PCDHA2: variants seen among roughly 807,000 people sequenced by gnomAD.
PCDHA2 encodes the protein protocadherin alpha 2.
A neutral mutation model predicts 66.0 loss-of-function variants in PCDHA2; 58 were observed. The ratio of observed to expected loss-of-function variants is 0.88; its 90% CI spans 0.71 to 1.09. PCDHA2 has a LOEUF of 1.09. PCDHA2 is among the 50% of genes least tolerant of loss of function. The probability of loss-of-function intolerance (pLI) is 0.00; values close to 1 mark genes in which losing one functional copy is unlikely to be tolerated. For missense variants in PCDHA2, 1,267 were observed against 1,242.3 expected (o/e 1.02, Z -0.30); for synonymous variants, 634 against 554.0 (o/e 1.14, Z -2.03).
intron 1 of PCDHA2, among the ~76,000 whole-genome samples, chr5:140,924,902 A>AAAAAAAT (rs1554202311): frequency 2.8e-4 from 11 of 39,026 alleles, no homozygotes; most frequent in Non-Finnish European, 5.7e-4. Context: ...CTCAAAAAAA[A>AAAAAAAT]AAATAAAATA....
intron 1 of PCDHA2, among the ~76,000 whole-genome samples, chr5:140,961,327 AGAGACCAAGAGTG>A (rs1375426442): frequency 6.6e-6 from 1 of 152,206 alleles, no homozygotes. Context: ...CTGTTTCTTG[AGAGACCAAGAGTG>A]GATCCCTGTA....
intron 1 of PCDHA2, chr5:140,822,473 A>G: frequency 1.2e-6 from 2 of 1,613,830 alleles, no homozygotes; most frequent in Non-Finnish European, 1.7e-6. Context: ...AATGTATTGG[A>G]TGCTAATGAT....
chr5:140,840,181 T>C (rs1398905291), intron 1 of PCDHA2, among the ~76,000 whole-genome samples: 1 of 151,970 alleles, frequency 6.6e-6, no homozygotes, highest in African/African-American at 2.4e-5. Context: ...AAATTTTAAA[T>C]ATGGTAGGCA....
At chr5:140,944,344 C>T (rs567913669) in intron 1 of PCDHA2, among the ~76,000 whole-genome samples, 5 of 152,238 alleles carry the variant, frequency 3.3e-5, no homozygotes, top group Admixed American at 2.0e-4. Context: ...CGTGCCACCA[C>T]ACCTGGCTAA....
intron 1 of PCDHA2, chr5:140,801,191 A>G (rs1554121300): frequency 6.3e-7 from 1 of 1,582,778 alleles, no homozygotes; most frequent in African/African-American, 1.4e-5. Flanking sequence ...TTTGGAAAAT[A>G]CTTGCAATGT....
rs377044316 is a variant in PCDHA2 at position 140,883,116 on chromosome 5, G to A, written c.2388+85764G>A. 14 of 1,613,818 alleles carry A rather than the reference G, an allele frequency of 8.7e-6. No homozygotes were observed. The African/African-American group carries it at 1.9e-4, about 22-fold the overall frequency. On this transcript the variant is annotated intron_variant, in intron 1 of 3. Coordinates refer to ENST00000526136, the MANE Select transcript of PCDHA2 (RefSeq NM_018905.3). ...GGAGATATAGTTTACTCATTTAGAAGGCCTGTATGGCCTGCAGTGGTATAT... is the reference window on the plus strand; with the variant it reads ...GGAGATATAGTTTACTCATTTAGAAAGCCTGTATGGCCTGCAGTGGTATAT...
intron 1 of PCDHA2, among the ~76,000 whole-genome samples, chr5:140,873,864 T>C (rs1275090016): frequency 6.6e-6 from 1 of 152,210 alleles, no homozygotes; most frequent in African/African-American, 2.4e-5. Context: ...TTTCACCATG[T>C]TGGCCAGGCT....
chr5:140,835,535 G>A, intron 1 of PCDHA2: 3 of 1,613,958 alleles, frequency 1.9e-6, no homozygotes, highest in Non-Finnish European at 2.5e-6. Flanking sequence ...TCAACGGACA[G>A]GTTACCTGCT....
At chr5:140,821,782 T>C in intron 1 of PCDHA2, 1 of 1,610,160 alleles carries the variant, frequency 6.2e-7, no homozygotes. Context: ...TGAGATGGTA[T>C]ATTCCCGGAG....
chr5:140,823,040 T>G (rs2150121625), intron 1 of PCDHA2: 1 of 1,614,210 alleles, frequency 6.2e-7, no homozygotes, highest in Middle Eastern at 1.7e-4. Context: ...GTCTATGAGC[T>G]GGTGGTGACC....
chr5:140,989,422 TG>T (rs1554250798), intron 3 of PCDHA2, among the ~76,000 whole-genome samples: 2 of 152,128 alleles, frequency 1.3e-5, no homozygotes, highest in African/African-American at 4.8e-5. Flanking sequence ...CTTCACTCTG[TG>T]GGAAAAATTG....
In PCDHA2 at chr5:140,822,757, C is replaced by G. The variant is rs2150119240; in HGVS notation, c.2388+25405C>G. On this transcript the variant is annotated intron_variant, in intron 1 of 3. Transcript: ENST00000526136. Reference sequence around the variant, plus strand: ...TGATGCCATGGATAAAAGTACATTCCCATTATCAGGACACTGTAAAGTAGT... The same window carrying G: ...TGATGCCATGGATAAAAGTACATTCGCATTATCAGGACACTGTAAAGTAGT... The G allele has an allele frequency of 5.7e-5, 92 of 1,613,752 alleles. No homozygotes were observed. The highest frequency in any genetic ancestry group is 8.0e-5 in the African/African-American group (6 of 74,906).
At chr5:140,834,038 C>T (rs1580771063) in intron 1 of PCDHA2, among the ~76,000 whole-genome samples, 1 of 152,160 alleles carries the variant, frequency 6.6e-6, no homozygotes, top group Admixed American at 6.6e-5. Context: ...CCATCAGTCG[C>T]CTAAGAATGC....
At chr5:140,851,813 A>T (rs2042166057) in intron 1 of PCDHA2, 1 of 954,990 alleles carries the variant, frequency 1.0e-6, no homozygotes, top group Non-Finnish European at 1.3e-6. Context: ...AATCCATAAG[A>T]CAGAAATCTG....
At chr5:140,968,965 C>T in intron 1 of PCDHA2, 1 of 1,614,208 alleles carries the variant, frequency 6.2e-7, no homozygotes, top group Non-Finnish European at 8.5e-7. Context: ...AGTGCTACCG[C>T]TACACTGCGT....
chr5:140,828,120 G>T, intron 1 of PCDHA2: 1 of 1,612,792 alleles, frequency 6.2e-7, no homozygotes. Context: ...GATAGATTGG[G>T]AAAGCAATGT....
intron 1 of PCDHA2, chr5:140,853,694 G>A (rs1425849966): frequency 1.0e-6 from 1 of 988,064 alleles, no homozygotes; most frequent in African/African-American, 1.8e-5. Context: ...CCTTAGACCT[G>A]CTAACGCATT....
chr5:140,929,324 T>A (rs781810168), intron 1 of PCDHA2: 1 of 1,540,130 alleles, frequency 6.5e-7, no homozygotes, highest in African/African-American at 1.4e-5. Flanking sequence ...GTCAATGCCA[T>A]GGTAAGCAAA....
chr5:140,857,375 G>C, intron 1 of PCDHA2: 1 of 1,598,360 alleles, frequency 6.3e-7, no homozygotes. Flanking sequence ...CGTGTCTGTG[G>C]AGGTGGCCGA....
Sources: gnomAD v4.1 joint callset for allele counts (sites outside exome capture counted in the v4.1 genomes callset) on GRCh38, gnomAD v4.1.1 for gene constraint, MANE v1.5 for transcripts, NCBI Gene and HGNC (gene_info 2026-07-23, HGNC 2026-07-21) for gene names.